BSDC1: variants seen among roughly 807,000 people sequenced by gnomAD.
BSDC1 encodes the protein BSD domain-containing protein 1.
A neutral mutation model predicts 56.0 loss-of-function variants in BSDC1; 29 were observed. The observed-to-expected ratio is 0.52, with a 90% CI of 0.39 to 0.71. The LOEUF is 0.71. Ranked by LOEUF, BSDC1 falls within the 30% of genes least tolerant of loss-of-function variation. The pLI, the probability that BSDC1 is intolerant of heterozygous loss-of-function variation, is 0.00. For synonymous variants in BSDC1, 210 were observed against 215.3 expected (o/e 0.98, Z 0.21); for missense variants, 477 against 548.5 (o/e 0.87, Z 1.30).
intron 4 of BSDC1, among the ~76,000 whole-genome samples, chr1:32,381,883 T>C (rs1238895318): frequency 6.6e-6 from 1 of 152,234 alleles, no homozygotes; most frequent in African/African-American, 2.4e-5. Flanking sequence ...GTGGTGGCGC[T>C]AATGCTAGTG....
intron 3 of BSDC1, among the ~76,000 whole-genome samples, chr1:32,384,905 A>G (rs372414224): frequency 6.6e-6 from 1 of 152,200 alleles, no homozygotes; most frequent in East Asian, 1.9e-4. Context: ...TATCTCTGCT[A>G]TTGACTAGAC....
chr1:32,380,399 T>G (rs1642440429), intron 5 of BSDC1, among the ~76,000 whole-genome samples: 1 of 152,128 alleles, frequency 6.6e-6, no homozygotes, highest in Non-Finnish European at 1.5e-5. Flanking sequence ...AATCCCTGCA[T>G]TTTTGGGAGG....
At chr1:32,386,519 G>T in intron 3 of BSDC1, 6 of 357,962 alleles carry the variant, frequency 1.7e-5, no homozygotes, top group South Asian at 4.1e-5. Flanking sequence ...ACTTGTCTGT[G>T]TTTTCTAAAT....
At chr1:32,386,726 G>T in intron 3 of BSDC1, 53 bp downstream of exon 3, 1 of 1,396,568 alleles carries the variant, frequency 7.2e-7, no homozygotes, top group Non-Finnish European at 1.0e-6. Flanking sequence ...GGGAGCCCAG[G>T]ACAGGACAGG....
chr1:32,371,209 C>T (rs151083577), intron 9 of BSDC1, among the ~76,000 whole-genome samples: 2,127 of 151,944 alleles, frequency 0.014, 21 homozygotes, highest in Non-Finnish European at 0.022. Flanking sequence ...AGCAAGATAT[C>T]CAAATACACT....
At chr1:32,386,946 T>C in intron 2 of BSDC1, 51 bp from the exon 3 acceptor site, 2 of 1,413,320 alleles carry the variant, frequency 1.4e-6, no homozygotes, top group Admixed American at 3.4e-5. Flanking sequence ...CACCACCCCT[T>C]GTTCCTGTTC....
intron 9 of BSDC1, among the ~76,000 whole-genome samples, chr1:32,373,129 C>T (rs983044044): frequency 2.0e-5 from 3 of 152,222 alleles, no homozygotes; most frequent in African/African-American, 7.2e-5. Flanking sequence ...AAAGGAGTCA[C>T]TTTGTCTCCA....
chr1:32,387,241 AT>A (rs1642703779), intron 2 of BSDC1, among the ~76,000 whole-genome samples: 1 of 152,218 alleles, frequency 6.6e-6, no homozygotes, highest in African/African-American at 2.4e-5. Flanking sequence ...AAGAGGGGGC[AT>A]AGTCTGAAAA....
chr1:32,392,368 T>G (rs1011168682), intron 2 of BSDC1, among the ~76,000 whole-genome samples: 1 of 152,048 alleles, frequency 6.6e-6, no homozygotes, highest in East Asian at 1.9e-4. Context: ...CTTGCCCAAG[T>G]ACATATAAGA....
rs1442687422 is a variant in BSDC1, at chr1:32,378,835, G to A, written c.417C>T (p.Pro139=). The A allele has an allele frequency of 6.6e-7, 1 of 1,508,860 alleles. No homozygotes were observed. Among genetic ancestry groups the A allele is most frequent in the East Asian group, 2.6e-5 (1 of 39,210 alleles). The allele number at this position is 1,508,860 out of a possible 1,614,324, so 93.5% of individuals were successfully genotyped here. A position where few individuals can be genotyped will look rare whatever the true frequency, so the allele number is the denominator to read the frequency against. ...PATYCNEPDG[P]PELFDAWLSQ... Reference sequence around the variant, plus strand: ...AAAGCCAGGCGTCAAACAATTCCGGGGGCCCTGCAGAGGGACAGATGCTGA... The same window carrying A: ...AAAGCCAGGCGTCAAACAATTCCGGAGGCCCTGCAGAGGGACAGATGCTGA... Residue 139 remains proline (P), a synonymous_variant, in exon 6 of 11, where the codon CCC becomes CCT. Transcript: ENST00000455895. The surrounding 1 kb of genome is among the most constrained non-coding windows in gnomAD (Gnocchi z 5.2).
Position 32,369,431 on chromosome 1 carries a change from C to G in BSDC1, c.1157-881G>C, listed in dbSNP as rs539370157. 3.6e-5 allele frequency: 18 copies of G among 495,734 alleles called. No homozygotes were observed. The East Asian group carries it at 1.3e-3, about 35-fold the overall frequency. The allele number at this position is 495,734 out of a possible 1,614,324, so 30.7% of individuals were successfully genotyped here. A position where few individuals can be genotyped will look rare whatever the true frequency, so the allele number is the denominator to read the frequency against. ...GGCTGAGGTGTGGTGATCACTTGAG[C>G]CCAGGAGTTCAAGGCTGCAGTGAGC... On this transcript the variant is annotated intron_variant, in intron 9 of 10. Transcript: ENST00000455895.
chr1:32,377,290 G>T (rs1642326476), intron 8 of BSDC1, among the ~76,000 whole-genome samples: 1 of 152,218 alleles, frequency 6.6e-6, no homozygotes, highest in Admixed American at 6.5e-5. Flanking sequence ...GGCTGTTATG[G>T]ATTAGAAAGC....
In BSDC1 at chr1:32,365,763, G is replaced by T; in HGVS notation, c.*859C>A. The T allele has an allele frequency of 6.5e-6, 1 of 152,724 alleles. No individual in the cohort carries two copies. Among genetic ancestry groups the T allele is most frequent in the Admixed American group, 6.5e-5 (1 of 15,284 alleles). The allele number at this position is 152,724 out of a possible 1,614,324, so 9.5% of individuals were successfully genotyped here. On this transcript the variant is annotated 3_prime_UTR_variant, in exon 11 of 11. Coordinates refer to ENST00000455895, the MANE Select transcript of BSDC1 (RefSeq NM_018045.8). The stretch of plus-strand genomic sequence containing the variant: ...CTTTGATCACCGCTCTGTACCGCTG[G>T]TAGCTGTTTTGTGTCCTAAACTACA...
At chr1:32,382,942 GT>G (rs1288416671) in intron 4 of BSDC1, among the ~76,000 whole-genome samples, 1 of 149,800 alleles carries the variant, frequency 6.7e-6, no homozygotes, top group African/African-American at 2.5e-5. Flanking sequence ...GTTGCTTTAA[GT>G]GCTCTGAAGA....
chr1:32,383,923 G>C lies in BSDC1; in HGVS notation c.264C>G (p.Thr88=), dbSNP rs1642574954. 5 of 1,612,786 alleles carry C rather than the reference G, an allele frequency of 3.1e-6. No homozygotes were observed. The highest frequency in any genetic ancestry group is 4.2e-6 in the Non-Finnish European group (5 of 1,180,028). Reference sequence around the variant, plus strand: ...TGGTTTTGTCTGGCGAAGGGGCAAAGGTGTCTGAGATCACCCCTAGGAAGT... The same window carrying C: ...TGGTTTTGTCTGGCGAAGGGGCAAACGTGTCTGAGATCACCCCTAGGAAGT... ...LSDFLGVISD[T]FAPSPDKTID... Residue 88 remains threonine (T), a synonymous_variant, in exon 4 of 11, where the codon ACC becomes ACG. Coordinates refer to ENST00000455895, the MANE Select transcript of BSDC1 (RefSeq NM_018045.8).
chr1:32,367,541 G>A, intron 10 of BSDC1: 1 of 985,370 alleles, frequency 1.0e-6, no homozygotes. Context: ...GTTACATGAT[G>A]GAAGGACTCA....
chr1:32,365,647 G>A lies in BSDC1; in HGVS notation c.*975C>T, dbSNP rs900151871. 7 of 152,646 alleles carry A rather than the reference G, an allele frequency of 4.6e-5. No individual in the cohort carries two copies. Among genetic ancestry groups the A allele is most frequent in the Middle Eastern group, 3.2e-3 (1 of 316 alleles). The allele number at this position is 152,646 out of a possible 1,614,324, so 9.5% of individuals were successfully genotyped here. A position where few individuals can be genotyped will look rare whatever the true frequency, so the allele number is the denominator to read the frequency against. On this transcript the variant is annotated 3_prime_UTR_variant, in exon 11 of 11. Coordinates refer to ENST00000455895, the MANE Select transcript of BSDC1 (RefSeq NM_018045.8). Reference sequence around the variant, plus strand: ...AGAAGAGCTTTTGCAGAAGCCTGATGAGAGTTTCAAGTTCACCCCCAGGAT... The same window carrying A: ...AGAAGAGCTTTTGCAGAAGCCTGATAAGAGTTTCAAGTTCACCCCCAGGAT...
rs776152956 is a variant in BSDC1 at position 32,376,389 on chromosome 1, G to A, written c.1029C>T (p.Thr343=). ...HSKPLTPAGH[T]GGPEPRPPAR... is the part of the protein sequence containing the mutation. The stretch of plus-strand genomic sequence containing the variant: ...CTGGAGGCCTGGGCTCTGGGCCGCC[G>A]GTGTGGCCAGCAGGCGTTAGGGGCT... Residue 343 remains threonine, a synonymous_variant, in exon 9 of 11, where the codon ACC becomes ACT. Transcript: ENST00000455895. The A allele has an allele frequency of 2.0e-5, 32 of 1,613,602 alleles. No homozygotes were observed. Among genetic ancestry groups the A allele is most frequent in the South Asian group, 7.7e-5 (7 of 91,062 alleles).
At chr1:32,369,343 A>C (rs116349447) in intron 9 of BSDC1, 1 of 1,278,608 alleles carries the variant, frequency 7.8e-7, no homozygotes, top group Non-Finnish European at 1.0e-6. Context: ...TTGTCTCTAG[A>C]AAAAAATTTA....
Sources: gnomAD v4.1 joint callset for allele counts (sites outside exome capture counted in the v4.1 genomes callset) on GRCh38, gnomAD v4.1.1 for gene constraint, Gnocchi (gnomAD v3.1) non-coding constraint, MANE v1.5 for transcripts, NCBI Gene and HGNC (gene_info 2026-07-23, HGNC 2026-07-21) for gene names.